ZNF385B: variants seen among roughly 807,000 people sequenced by gnomAD.
ZNF385B encodes the protein zinc finger protein 533.
ZNF385B carries 23 observed loss-of-function variants against 39.2 expected under a neutral mutation model. The observed-to-expected ratio is 0.59, with a 90% CI of 0.42 to 0.83. The LOEUF is 0.83. ZNF385B is among the 40% of genes least tolerant of loss of function. The pLI is 0.00. For missense variants in ZNF385B, 552 were observed against 598.9 expected (o/e 0.92, Z 0.82); for synonymous variants, 205 against 222.6 (o/e 0.92, Z 0.70).
At chr2:179,792,237 A>G (rs1206235091) in intron 1 of ZNF385B, among the ~76,000 whole-genome samples, 1 of 152,114 alleles carries the variant, frequency 6.6e-6, no homozygotes, top group Admixed American at 6.6e-5. Context: ...CTTATTCTTA[A>G]TAAAGAGGGA....
intron 3 of ZNF385B, among the ~76,000 whole-genome samples, chr2:179,676,321 G>A (rs373526556): frequency 2.7e-5 from 4 of 149,028 alleles, no homozygotes; most frequent in Non-Finnish European, 5.9e-5. Flanking sequence ...ATCTCCCGAC[G>A]TCATGATCCG....
Position 179,770,796 on chromosome 2 carries a change from C to T in ZNF385B, c.-154-124G>A, listed in dbSNP as rs6433809. 754 of 152,146 alleles carry T rather than the reference C, an allele frequency of 5.0e-3. 9 individuals carry two copies. The highest frequency in any genetic ancestry group is 0.017 in the African/African-American group (719 of 41,496). The allele number at this position is 152,146 out of a possible 1,614,324, so 9.4% of individuals were successfully genotyped here. Reference sequence around the variant, plus strand: ...TTCTTCGTTTGTTTAGATAAGAGTACAGACGTAGATTATAAACTAAGGGAA... The same window carrying T: ...TTCTTCGTTTGTTTAGATAAGAGTATAGACGTAGATTATAAACTAAGGGAA... On this transcript the variant is annotated intron_variant, in intron 1 of 9. Coordinates refer to ENST00000410066, the MANE Select transcript of ZNF385B (RefSeq NM_152520.6).
At chr2:179,559,658 T>C (rs1232869958) in intron 3 of ZNF385B, among the ~76,000 whole-genome samples, 3 of 152,118 alleles carry the variant, frequency 2.0e-5, no homozygotes, top group Non-Finnish European at 2.9e-5. Context: ...TTTAATATCA[T>C]ATAAAATTTA....
intron 3 of ZNF385B, among the ~76,000 whole-genome samples, chr2:179,593,980 A>T (rs1687786894): frequency 6.6e-6 from 1 of 152,184 alleles, no homozygotes; most frequent in South Asian, 2.1e-4. Flanking sequence ...ATATAAGTCA[A>T]GATGAGAAAG....
At chr2:179,767,807 T>C (rs1409807722) in intron 3 of ZNF385B, among the ~76,000 whole-genome samples, 1 of 151,856 alleles carries the variant, frequency 6.6e-6, no homozygotes, top group African/African-American at 2.4e-5. Context: ...TTAATGACTA[T>C]GGTATTTATA....
chr2:179,592,356 TA>T (rs1687637492), intron 3 of ZNF385B, among the ~76,000 whole-genome samples: 1 of 152,254 alleles, frequency 6.6e-6, no homozygotes, highest in African/African-American at 2.4e-5. Context: ...CTGACCACTG[TA>T]ATTTAATAGC....
chr2:179,828,699 T>G (rs1707812944), intron 1 of ZNF385B, among the ~76,000 whole-genome samples: 1 of 152,164 alleles, frequency 6.6e-6, no homozygotes, highest in South Asian at 2.1e-4. Context: ...TTCAAGAACT[T>G]TAAAATCTTT....
At chr2:179,616,387 G>T (rs900173940) in intron 3 of ZNF385B, among the ~76,000 whole-genome samples, 3 of 152,122 alleles carry the variant, frequency 2.0e-5, no homozygotes, top group Non-Finnish European at 4.4e-5. Context: ...AGGCTGGAGT[G>T]CAGTGGCACA....
chr2:179,846,181 G>C (rs933535307), intron 1 of ZNF385B, among the ~76,000 whole-genome samples: 1 of 152,196 alleles, frequency 6.6e-6, no homozygotes, highest in Non-Finnish European at 1.5e-5. Context: ...CAGACCCATA[G>C]TCTTATAAAA....
intron 1 of ZNF385B, among the ~76,000 whole-genome samples, chr2:179,781,265 A>C (rs1704648398): frequency 6.6e-6 from 1 of 152,192 alleles, no homozygotes; most frequent in Non-Finnish European, 1.5e-5. Context: ...TCTATTAATT[A>C]AGACAGTCTG....
At chr2:179,560,918 T>C (rs548480898) in intron 3 of ZNF385B, among the ~76,000 whole-genome samples, 48 of 152,234 alleles carry the variant, frequency 3.2e-4, no homozygotes, top group African/African-American at 1.0e-3. Context: ...CCAGTAGTCA[T>C]GTCAATTGCA....
intron 5 of ZNF385B, among the ~76,000 whole-genome samples, chr2:179,505,110 G>A (rs564910282): frequency 6.6e-6 from 1 of 152,100 alleles, no homozygotes; most frequent in Non-Finnish European, 1.5e-5. Flanking sequence ...GTTGAATACA[G>A]AGGGCCGCAG....
At chr2:179,483,241 A>G (rs1162412162) in intron 6 of ZNF385B, 31 bp downstream of exon 6, 1 of 1,611,172 alleles carries the variant, frequency 6.2e-7, no homozygotes, top group Non-Finnish European at 8.5e-7. Context: ...GAGAAACACA[A>G]AGAATGTAAA....
intron 3 of ZNF385B, among the ~76,000 whole-genome samples, chr2:179,687,052 T>C (rs143927592): frequency 6.6e-6 from 1 of 150,634 alleles, no homozygotes; most frequent in African/African-American, 2.4e-5. Flanking sequence ...TTCCACAAAA[T>C]TATCACAGCC....
chr2:179,519,992 T>C (rs1371609964), intron 4 of ZNF385B, among the ~76,000 whole-genome samples: 2 of 152,224 alleles, frequency 1.3e-5, no homozygotes, highest in East Asian at 3.9e-4. Context: ...CAGGACAATG[T>C]ATTCCTATTA....
chr2:179,486,661 G>A (rs532440655), intron 5 of ZNF385B, among the ~76,000 whole-genome samples: 101 of 152,294 alleles, frequency 6.6e-4, no homozygotes, highest in Middle Eastern at 3.4e-3. Flanking sequence ...GTGCCTGTAA[G>A]CCCGGCACTT....
Position 179,443,154 on chromosome 2 carries a change from G to T in ZNF385B, c.*96C>A. Reference sequence around the variant, plus strand: ...GTGGGCTGCATTTTGTGGGTGAATGGGGGGTACTGCAACACAAACTGCTTA... The same window carrying T: ...GTGGGCTGCATTTTGTGGGTGAATGTGGGGTACTGCAACACAAACTGCTTA... On this transcript the variant is annotated 3_prime_UTR_variant, in exon 10 of 10. Transcript: ENST00000410066. 1 of 1,216,618 alleles carries T rather than the reference G, an allele frequency of 8.2e-7. No homozygotes were observed. The highest frequency in any genetic ancestry group is 1.1e-6 in the Non-Finnish European group (1 of 896,970). The allele number at this position is 1,216,618 out of a possible 1,614,324, so 75.4% of individuals were successfully genotyped here. A position where few individuals can be genotyped will look rare whatever the true frequency, so the allele number is the denominator to read the frequency against.
At chr2:179,559,978 A>G (rs1394174544) in intron 3 of ZNF385B, among the ~76,000 whole-genome samples, 1 of 152,076 alleles carries the variant, frequency 6.6e-6, no homozygotes, top group Admixed American at 6.6e-5. Flanking sequence ...GTTTCTATAT[A>G]TTTGACATTT....
intron 3 of ZNF385B, among the ~76,000 whole-genome samples, chr2:179,697,035 T>C (rs1372305231): frequency 1.3e-5 from 2 of 152,180 alleles, no homozygotes; most frequent in Non-Finnish European, 2.9e-5. Flanking sequence ...TGTAAGAATT[T>C]GGTATTTTCC....
Sources: gnomAD v4.1 joint callset for allele counts (sites outside exome capture counted in the v4.1 genomes callset) on GRCh38, gnomAD v4.1.1 for gene constraint, MANE v1.5 for transcripts, NCBI Gene and HGNC (gene_info 2026-07-23, HGNC 2026-07-21) for gene names.